MBD5: variants seen among roughly 807,000 people sequenced by gnomAD.
MBD5 encodes the protein methyl-CpG-binding domain protein 5.
MBD5 carries 13 observed loss-of-function variants against 117.3 expected under a neutral mutation model. The observed-to-expected ratio is 0.11, with a 90% CI of 0.07 to 0.18. The LOEUF is 0.18. MBD5 is among the 10% of genes least tolerant of loss of function. The pLI, the probability that MBD5 is intolerant of heterozygous loss-of-function variation, is 1.00. For synonymous variants in MBD5, 727 were observed against 766.4 expected (o/e 0.95, Z 0.85); for missense variants, 1,879 against 2,093.8 (o/e 0.90, Z 2.00).
chr2:148,288,543 T>C (rs557208284), intron 3 of MBD5, among the ~76,000 whole-genome samples: 1 of 152,004 alleles, frequency 6.6e-6, no homozygotes, highest in African/African-American at 2.4e-5. Context: ...TTTTGCTATG[T>C]CATAGCTATG....
intron 1 of MBD5, among the ~76,000 whole-genome samples, chr2:148,038,016 TTCTC>T (rs1373926487): frequency 6.6e-6 from 1 of 151,964 alleles, no homozygotes; most frequent in Non-Finnish European, 1.5e-5. Flanking sequence ...TAATTTTTCA[TTCTC>T]TCAATGTTTT....
intron 2 of MBD5, among the ~76,000 whole-genome samples, chr2:148,200,977 G>T (rs943151777): frequency 1.3e-5 from 2 of 152,128 alleles, no homozygotes; most frequent in African/African-American, 4.8e-5. Context: ...TAAAAATAAA[G>T]CAAAGTTGTG....
intron 1 of MBD5, among the ~76,000 whole-genome samples, chr2:148,078,523 A>G (rs184332669): frequency 6.6e-6 from 1 of 152,318 alleles, no homozygotes; most frequent in Non-Finnish European, 1.5e-5. Context: ...TTCTGAGATT[A>G]TCATTTAAAA....
intron 1 of MBD5, among the ~76,000 whole-genome samples, chr2:148,170,880 G>A (rs976037158): frequency 6.6e-6 from 1 of 152,158 alleles, no homozygotes; most frequent in East Asian, 1.9e-4. Flanking sequence ...CAACCAATTA[G>A]ATTACCTAGA....
chr2:148,483,026 T>TA, intron 8 of MBD5, 84 bp from the exon 9 acceptor site: 1 of 1,468,234 alleles, frequency 6.8e-7, no homozygotes, highest in Middle Eastern at 1.7e-4. Context: ...AATTTAAATT[T>TA]ATGTTAATGC....
rs529122300 is a variant in MBD5 at position 148,203,104 on chromosome 2, CAA to C, written c.-831+24327_-831+24328del. Among the ~76,000 whole-genome samples, 419 of 75,086 alleles carry C rather than the reference CAA, an allele frequency of 5.6e-3. 1 individual carries two copies. Among genetic ancestry groups the C allele is most frequent in the Middle Eastern group, 0.019 (3 of 154 alleles). 49.3% of individuals were successfully genotyped at this position (75,086 alleles called of 152,430 possible). On this transcript the variant is annotated intron_variant, in intron 2 of 13. Coordinates refer to ENST00000642680, the MANE Select transcript of MBD5 (RefSeq NM_001378120.1). ...CAGGCAACATCACGAGACTCCATCT[CAA>C]AAAAAAAAAAAAAAAGCTGTAAACT...
intron 3 of MBD5, chr2:148,260,853 G>A (rs923880654): frequency 6.6e-6 from 1 of 152,146 alleles, no homozygotes; most frequent in Non-Finnish European, 1.5e-5. Context: ...CTTTAAAATT[G>A]ATGCATTTTC....
chr2:148,094,640 T>C (rs1278294145), intron 1 of MBD5, among the ~76,000 whole-genome samples: 1 of 152,200 alleles, frequency 6.6e-6, no homozygotes, highest in Non-Finnish European at 1.5e-5. Context: ...GTTATCTGTA[T>C]TGATATTTTG....
chr2:148,028,399 A>T (rs1451521413), intron 1 of MBD5: 1 of 152,080 alleles, frequency 6.6e-6, no homozygotes, highest in Admixed American at 6.5e-5. Flanking sequence ...TTTTAAAAAA[A>T]AAATTTAATA....
chr2:148,060,976 C>T (rs1413079031), intron 1 of MBD5, among the ~76,000 whole-genome samples: 2 of 152,202 alleles, frequency 1.3e-5, no homozygotes, highest in East Asian at 1.9e-4. Flanking sequence ...TTTTATTCTT[C>T]ATATTCTTTC....
chr2:148,161,694 C>A (rs1698011738), intron 1 of MBD5, among the ~76,000 whole-genome samples: 1 of 152,106 alleles, frequency 6.6e-6, no homozygotes, highest in Non-Finnish European at 1.5e-5. Context: ...TGGATCATAC[C>A]AGGAACTGTA....
At chr2:148,056,966 A>G (rs1378293737) in intron 1 of MBD5, among the ~76,000 whole-genome samples, 16 of 151,864 alleles carry the variant, frequency 1.1e-4, no homozygotes, top group Admixed American at 1.0e-3. Context: ...GTATTTTTCT[A>G]CGAATTCATC....
chr2:148,444,682 A>G (rs1278156068), intron 4 of MBD5, among the ~76,000 whole-genome samples: 1 of 151,106 alleles, frequency 6.6e-6, no homozygotes, highest in Non-Finnish European at 1.5e-5. Flanking sequence ...GCAGCCCTAG[A>G]TGTCTCCTGC....
At chr2:148,477,505 C>G (rs959775334) in intron 8 of MBD5, among the ~76,000 whole-genome samples, 1 of 152,090 alleles carries the variant, frequency 6.6e-6, no homozygotes, top group African/African-American at 2.4e-5. Context: ...TTTGTAAATA[C>G]ACATTACCAT....
chr2:148,221,031 G>T (rs540287748), intron 2 of MBD5, among the ~76,000 whole-genome samples: 9 of 152,184 alleles, frequency 5.9e-5, no homozygotes, highest in African/African-American at 2.2e-4. Flanking sequence ...GTGAAAACAT[G>T]CTTTGTCTTT....
At chr2:148,405,705 A>C (rs890117523) in intron 4 of MBD5, among the ~76,000 whole-genome samples, 1 of 152,216 alleles carries the variant, frequency 6.6e-6, no homozygotes, top group Non-Finnish European at 1.5e-5. Context: ...AGGCACTTAG[A>C]AAATTCCTTG....
intron 3 of MBD5, among the ~76,000 whole-genome samples, chr2:148,340,047 A>G (rs1702897708): frequency 6.6e-6 from 1 of 151,992 alleles, no homozygotes; most frequent in African/African-American, 2.4e-5. Context: ...CTCCCTTCAG[A>G]ATCCTTTATT....
intron 4 of MBD5, among the ~76,000 whole-genome samples, chr2:148,428,363 A>G (rs1216116794): frequency 6.6e-6 from 1 of 152,186 alleles, no homozygotes; most frequent in Admixed American, 6.6e-5. Flanking sequence ...AATAAATGGA[A>G]AAACGTTCCA....
At chr2:148,430,135 A>T (rs949113642) in intron 4 of MBD5, among the ~76,000 whole-genome samples, 1 of 152,158 alleles carries the variant, frequency 6.6e-6, no homozygotes, top group African/African-American at 2.4e-5. Flanking sequence ...AATCACTGAG[A>T]TTTCCCTTGC....
Sources: gnomAD v4.1 joint callset for allele counts (sites outside exome capture counted in the v4.1 genomes callset) on GRCh38, gnomAD v4.1.1 for gene constraint, MANE v1.5 for transcripts, NCBI Gene and HGNC (gene_info 2026-07-23, HGNC 2026-07-21) for gene names.